The following RASGRF1 variants were observed in gnomAD, a reference collection of about 807,000 sequenced individuals.
The protein encoded by RASGRF1 is Ras protein specific guanine nucleotide releasing factor 1.
A neutral mutation model predicts 138.7 loss-of-function variants in RASGRF1; 40 were observed. The observed-to-expected ratio is 0.29, with a 90% CI of 0.22 to 0.38. The LOEUF (loss-of-function observed/expected upper bound fraction) is 0.38, where lower values mean the gene tolerates loss of function less well. Ranked by LOEUF, RASGRF1 falls within the 10% of genes least tolerant of loss-of-function variation. The pLI, the probability that RASGRF1 is intolerant of heterozygous loss-of-function variation, is 1.00. For synonymous variants in RASGRF1, 614 were observed against 663.2 expected (o/e 0.93, Z 1.14); for missense variants, 1,108 against 1,650.4 (o/e 0.67, Z 5.69).
chr15:78,986,092 C>T (rs185550571), intron 22 of RASGRF1, among the ~76,000 whole-genome samples: 1 of 152,214 alleles, frequency 6.6e-6, no homozygotes, highest in East Asian at 1.9e-4. Flanking sequence ...AATCTACCAT[C>T]ATACAACTAG....
At chr15:79,059,221 A>ACCC (rs2057554037) in intron 2 of RASGRF1, among the ~76,000 whole-genome samples, 1 of 24,248 alleles carries the variant, frequency 4.1e-5, no homozygotes, top group Non-Finnish European at 8.0e-5. Context: ...TCCCTTCCCT[A>ACCC]TCCTTCCCTT....
chr15:78,984,856 T>C (rs919331076), intron 23 of RASGRF1, 151 bp downstream of exon 23: 3 of 802,526 alleles, frequency 3.7e-6, no homozygotes, highest in Non-Finnish European at 6.2e-6. Context: ...CCAGGTGATA[T>C]AGGGGAAGCT....
intron 20 of RASGRF1, among the ~76,000 whole-genome samples, chr15:78,992,910 G>A (rs763314241): frequency 6.6e-6 from 1 of 152,004 alleles, no homozygotes. Context: ...AGATAGAAAG[G>A]CAGGAAACAC....
At chr15:79,013,867 C>T (rs2056837337) in intron 13 of RASGRF1, among the ~76,000 whole-genome samples, 1 of 152,124 alleles carries the variant, frequency 6.6e-6, no homozygotes, top group Non-Finnish European at 1.5e-5. Flanking sequence ...ACACAGTGGT[C>T]CTGGAGCCTG....
intron 8 of RASGRF1, among the ~76,000 whole-genome samples, chr15:79,029,998 C>T (rs145811716): frequency 9.9e-5 from 15 of 152,068 alleles, no homozygotes; most frequent in Non-Finnish European, 1.5e-4. Flanking sequence ...GAAGAGTGTG[C>T]GGGATTTGGA....
chr15:79,080,074 G>A, intron 1 of RASGRF1, among the ~76,000 whole-genome samples: 1 of 152,204 alleles, frequency 6.6e-6, no homozygotes. Flanking sequence ...GTAAGCTTCT[G>A]GGACACAGGT....
At position 79,050,059 on chromosome 15, in the gene RASGRF1, C is replaced by T. The variant is rs1199884357; in HGVS notation, c.532-471G>A. Among the ~76,000 whole-genome samples, 1 of 152,182 alleles carries T rather than the reference C, an allele frequency of 6.6e-6. No individual in the cohort carries two copies. The highest frequency in any genetic ancestry group is 1.5e-5 in the Non-Finnish European group (1 of 68,034). On this transcript the variant is annotated intron_variant, in intron 3 of 26. Coordinates refer to ENST00000558480, the MANE Select transcript of RASGRF1 (RefSeq NM_001145648.3). This position sits in a 1 kb window ranked among gnomAD's most constrained non-coding sequence, Gnocchi z 4.1. ...GGGTATGGTTCAGTGGCATTAAGGA[C>T]ATTCACATTGTTGTGCAACCATCAC...
rs1180626481 is a variant in RASGRF1, at chr15:79,050,756, G to A, written c.532-1168C>T. Among the ~76,000 whole-genome samples the A allele has an allele frequency of 6.6e-6, 1 of 152,198 alleles. No homozygotes were observed. The highest frequency in any genetic ancestry group is 2.1e-4 in the South Asian group (1 of 4,832). ...CCTCTGGGACTCATCCCATAGACAG[G>A]CCAGTGGTGTATCCTCCTGCGCAGG... On this transcript the variant is annotated intron_variant, in intron 3 of 26. Transcript: ENST00000558480. The surrounding 1 kb of genome is among the most constrained non-coding windows in gnomAD (Gnocchi z 4.1).
chr15:79,037,292 C>G (rs1245630652), intron 5 of RASGRF1, among the ~76,000 whole-genome samples: 1 of 151,874 alleles, frequency 6.6e-6, no homozygotes, highest in Non-Finnish European at 1.5e-5. Flanking sequence ...CTTGAGGGAG[C>G]CATATTTGGC....
chr15:78,974,656 T>G (rs7175835), intron 24 of RASGRF1, among the ~76,000 whole-genome samples: 102,484 of 152,096 alleles, frequency 0.67, 35,403 homozygotes, highest in East Asian at 0.78. Context: ...GGAGAGCGCC[T>G]CATTTGGTGA....
chr15:79,071,700 C>G (rs2057758335), intron 1 of RASGRF1, among the ~76,000 whole-genome samples: 1 of 152,008 alleles, frequency 6.6e-6, no homozygotes, highest in Non-Finnish European at 1.5e-5. Context: ...TTCTTTGTGT[C>G]TCTGTTCCTG....
chr15:78,973,064 C>T lies in RASGRF1; in HGVS notation c.3612+239G>A, dbSNP rs2055801653. On this transcript the variant is annotated intron_variant, in intron 25 of 26. Transcript: ENST00000558480. This position sits in a 1 kb window ranked among gnomAD's most constrained non-coding sequence, Gnocchi z 4.9. ...TGCAGAATAAGAAGAGCAGCTACCT[C>T]TCAGACTGTCAGGACTAGAGGAGGA... Among the ~76,000 whole-genome samples, 1 of 152,180 alleles carries T rather than the reference C, an allele frequency of 6.6e-6. No homozygotes were observed. Among genetic ancestry groups the T allele is most frequent in the African/African-American group, 2.4e-5 (1 of 41,442 alleles).
chr15:78,995,221 G>T (rs906131814), intron 20 of RASGRF1, among the ~76,000 whole-genome samples: 1 of 151,666 alleles, frequency 6.6e-6, no homozygotes, highest in African/African-American at 2.4e-5. Context: ...GAGCCACCAC[G>T]CCTGGCCTCC....
In RASGRF1 at chr15:79,090,565, C is replaced by T. The variant is rs553559676; in HGVS notation, c.-67G>A. ...TCCGCGCAGCAGCCCCCCGTCCGTG[C>T]GCGCTGCGCGCTGCCTCTCTCTGGC... On this transcript the variant is annotated 5_prime_UTR_variant, in exon 1 of 27. Coordinates refer to ENST00000558480, the MANE Select transcript of RASGRF1 (RefSeq NM_001145648.3). 5 of 1,561,674 alleles carry T rather than the reference C, an allele frequency of 3.2e-6. No individual in the cohort carries two copies. The highest frequency in any genetic ancestry group is 3.5e-6 in the Non-Finnish European group (4 of 1,156,342).
intron 1 of RASGRF1, among the ~76,000 whole-genome samples, chr15:79,074,095 T>G (rs1170325952): frequency 6.6e-6 from 1 of 152,230 alleles, no homozygotes; most frequent in Non-Finnish European, 1.5e-5. Flanking sequence ...AATACATTTC[T>G]CCTACTTCAG....
At chr15:78,975,374 T>C (rs1185934194) in intron 24 of RASGRF1, among the ~76,000 whole-genome samples, 1 of 149,778 alleles carries the variant, frequency 6.7e-6, no homozygotes, top group Admixed American at 6.6e-5. Flanking sequence ...CAAATATATA[T>C]ATTTACTGTG....
intron 1 of RASGRF1, among the ~76,000 whole-genome samples, chr15:79,072,344 T>C (rs1261233944): frequency 6.9e-6 from 1 of 145,770 alleles, no homozygotes; most frequent in African/African-American, 2.5e-5. Flanking sequence ...GGCATGATCT[T>C]AGCTCACTGC....
Position 79,006,350 on chromosome 15 carries a change from G to A in RASGRF1, c.1911C>T (p.Tyr637=), listed in dbSNP as rs755028758. 1.6e-5 allele frequency: 26 copies of A among 1,614,246 alleles called. No homozygotes were observed. Among genetic ancestry groups the A allele is most frequent in the Non-Finnish European group, 1.9e-5 (23 of 1,180,050 alleles). Residue 637 remains tyrosine, a synonymous_variant, in exon 14 of 27, where the codon TAC becomes TAT. Coordinates refer to ENST00000558480, the MANE Select transcript of RASGRF1 (RefSeq NM_001145648.3). This position sits in a 1 kb window ranked among gnomAD's most constrained non-coding sequence, Gnocchi z 4.0. The stretch of plus-strand genomic sequence containing the variant: ...TCTCCAGCAGCCGCTCCACACTGGC[G>A]TAGCGGATCTGCAGCACTTTGCAGG... ...MNSCKVLQIR[Y]ASVERLLERL...
rs1444153617 is a variant in RASGRF1, at chr15:79,027,923, T to C, written c.1263-64A>G. On this transcript the variant is annotated intron_variant, in intron 8 of 26. Coordinates refer to ENST00000558480, the MANE Select transcript of RASGRF1 (RefSeq NM_001145648.3). The surrounding 1 kb of genome is among the most constrained non-coding windows in gnomAD (Gnocchi z 4.8). ...CCCCTACTTCCCAGGGAGGCGAGAA[T>C]GCCAGGCTTCTGGCCAGACCTAGGA... The C allele has an allele frequency of 3.1e-5, 48 of 1,538,370 alleles. No individual in the cohort carries two copies. Among genetic ancestry groups the C allele is most frequent in the Non-Finnish European group, 3.4e-5 (38 of 1,113,652 alleles).
Sources: allele counts gnomAD v4.1 joint callset (sites outside exome capture counted in the v4.1 genomes callset), GRCh38; gene constraint gnomAD v4.1.1; non-coding constraint Gnocchi (gnomAD v3.1); transcripts MANE v1.5; gene names NCBI Gene and HGNC (gene_info 2026-07-23, HGNC 2026-07-21).